Variants in SEPTIN6 observed in about 807,000 individuals in gnomAD.
The protein encoded by SEPTIN6 is septin 6.
A neutral mutation model predicts 33.6 loss-of-function variants in SEPTIN6; 8 were observed. That is an observed-to-expected ratio of 0.24 (90% confidence interval 0.14 to 0.43). SEPTIN6 has a LOEUF of 0.43. Ranked by LOEUF, SEPTIN6 falls within the 20% of genes least tolerant of loss-of-function variation. The probability of loss-of-function intolerance (pLI) is 1.00; values close to 1 mark genes in which losing one functional copy is unlikely to be tolerated. For synonymous variants in SEPTIN6, 131 were observed against 140.0 expected (o/e 0.94, Z 0.45); for missense variants, 250 against 340.8 (o/e 0.73, Z 2.10).
At chrX:119,682,719 C>T (rs1199303100) in intron 1 of SEPTIN6, among the ~76,000 whole-genome samples, 1 of 110,636 alleles carries the variant, frequency 9.0e-6, no homozygotes, top group Non-Finnish European at 1.9e-5. Flanking sequence ...GAGTAGGCCA[C>T]CTCTGTCCCC....
chrX:119,661,191 CAAG>C (rs1335827572), intron 3 of SEPTIN6, among the ~76,000 whole-genome samples: 1 of 106,255 alleles, frequency 9.4e-6, no homozygotes, highest in Non-Finnish European at 1.9e-5. Flanking sequence ...TTTGGGAGGT[CAAG>C]GAGGGTGGAT....
rs1347083285 is a variant in SEPTIN6, at chrX:119,629,402, C to A, written c.1196G>T (p.Arg399Ile). 1.6e-5 allele frequency: 19 copies of A among 1,210,162 alleles called. No homozygotes were observed. The highest frequency in any genetic ancestry group is 2.1e-5 in the Non-Finnish European group (19 of 895,194). ...CTGGAGCAGCTCAGCCGCCGTCTTT[C>A]TTTGCTTGAAAGCATTCACTTCATC... ...LDDEVNAFKQ[R>I]KTAAELLQSQ... Residue 399 changes from arginine (R) to isoleucine (I), a missense_variant, in exon 9 of 11, where the codon AGA (arginine) becomes ATA (isoleucine). Transcript: ENST00000394610.
At chrX:119,636,818 A>C (rs1489111446) in intron 7 of SEPTIN6, among the ~76,000 whole-genome samples, 1 of 110,979 alleles carries the variant, frequency 9.0e-6, no homozygotes, top group Non-Finnish European at 1.9e-5. Flanking sequence ...GGTACTTCCC[A>C]AGCCTGCTCC....
At chrX:119,624,362 A>G (rs998958315) in intron 10 of SEPTIN6, among the ~76,000 whole-genome samples, 2 of 109,879 alleles carry the variant, frequency 1.8e-5, no homozygotes, top group African/African-American at 6.6e-5. Flanking sequence ...TTTAGTAGAG[A>G]CAGGATTTCT....
intron 2 of SEPTIN6, among the ~76,000 whole-genome samples, chrX:119,675,109 G>A (rs1377564625): frequency 9.0e-6 from 1 of 111,132 alleles, no homozygotes; most frequent in Non-Finnish European, 1.9e-5. Flanking sequence ...CAGCTGTGTG[G>A]TGCCTGCACC....
chrX:119,620,809 C>CGG (rs1769746598), intron 10 of SEPTIN6, among the ~76,000 whole-genome samples: 1 of 108,260 alleles, frequency 9.2e-6, no homozygotes, highest in African/African-American at 3.4e-5. Context: ...TTAGTAGCGA[C>CGG]GGGGGTTTCA....
intron 10 of SEPTIN6, among the ~76,000 whole-genome samples, chrX:119,622,902 G>T (rs1188222524): frequency 8.9e-6 from 1 of 112,424 alleles, no homozygotes; most frequent in Non-Finnish European, 1.9e-5. Context: ...ATGGAAATCT[G>T]CTGTTTAATT....
chrX:119,692,679 C>CAGCCG (rs2055196484), intron 1 of SEPTIN6, among the ~76,000 whole-genome samples: 1 of 112,781 alleles, frequency 8.9e-6, no homozygotes, highest in Non-Finnish European at 1.9e-5. Flanking sequence ...TCACAACGGG[C>CAGCCG]AGCCGTGCGC....
intron 1 of SEPTIN6, among the ~76,000 whole-genome samples, chrX:119,682,449 A>G (rs1357748255): frequency 9.1e-6 from 1 of 109,952 alleles, no homozygotes; most frequent in Non-Finnish European, 1.9e-5. Context: ...AGAGCGCCCC[A>G]CTCCCCTCCC....
At chrX:119,652,202 GT>G (rs2054362438) in intron 4 of SEPTIN6, among the ~76,000 whole-genome samples, 1 of 111,937 alleles carries the variant, frequency 8.9e-6, no homozygotes, top group Non-Finnish European at 1.9e-5. Flanking sequence ...GGGATTACAG[GT>G]GTGAGCCACC....
intron 10 of SEPTIN6, among the ~76,000 whole-genome samples, chrX:119,620,337 G>C (rs912170841): frequency 2.4e-5 from 1 of 41,839 alleles, no homozygotes; most frequent in Non-Finnish European, 4.5e-5. Context: ...TTTTTTTTTT[G>C]AGACAGAGTC....
chrX:119,673,245 C>T (rs1042894631), intron 2 of SEPTIN6, among the ~76,000 whole-genome samples: 3 of 111,347 alleles, frequency 2.7e-5, no homozygotes, highest in Admixed American at 9.6e-5. Flanking sequence ...TGCCTGTAAT[C>T]CCAGCTACTT....
intron 4 of SEPTIN6, among the ~76,000 whole-genome samples, chrX:119,650,839 C>T (rs2054338213): frequency 9.0e-6 from 1 of 111,422 alleles, no homozygotes; most frequent in African/African-American, 3.3e-5. Flanking sequence ...AATTATACTG[C>T]CTGAGTCTCA....
intron 7 of SEPTIN6, among the ~76,000 whole-genome samples, chrX:119,633,761 G>A (rs905005648): frequency 1.2e-4 from 13 of 112,029 alleles, no homozygotes; most frequent in Admixed American, 2.8e-4. Flanking sequence ...AGAAAACTGA[G>A]GCCCAGAGAG....
Position 119,662,059 on chromosome X carries a change from C to A in SEPTIN6, c.341+1423G>T, listed in dbSNP as rs143162706. 2.2e-3 allele frequency among the ~76,000 whole-genome samples: 233 copies of A among 107,420 alleles called. 4 individuals are homozygous for A. In the East Asian group the frequency reaches 0.054, roughly 25 times the overall value. The allele number at this position is 107,420 out of a possible 115,157, so 93.3% of individuals were successfully genotyped here. On this transcript the variant is annotated intron_variant, in intron 3 of 10. Transcript: ENST00000394610. Reference sequence around the variant, plus strand: ...GGCCCCCCAACATCTTTCCTGTCCCCCCTCCTACCTGTCAGCTTATTCCTG... The same window carrying A: ...GGCCCCCCAACATCTTTCCTGTCCCACCTCCTACCTGTCAGCTTATTCCTG...
At chrX:119,666,396 C>T (rs2054640058) in intron 2 of SEPTIN6, among the ~76,000 whole-genome samples, 1 of 112,147 alleles carries the variant, frequency 8.9e-6, no homozygotes, top group South Asian at 3.7e-4. Context: ...TCCATCTCCC[C>T]TCCCCACTCT....
chrX:119,622,967 G>A (rs1338203463), intron 10 of SEPTIN6, among the ~76,000 whole-genome samples: 1 of 112,342 alleles, frequency 8.9e-6, no homozygotes, highest in Non-Finnish European at 1.9e-5. Context: ...AGTAAATCAA[G>A]TCACTGTTCT....
Position 119,663,887 on chromosome X carries a change from T to G in SEPTIN6, c.146-210A>C, listed in dbSNP as rs772327089. ...ACGGATCAGTAGTAGTCATCTCAGATAGTAGAATTGAGGTAATTTTCATTT... is the reference window on the plus strand; with the variant it reads ...ACGGATCAGTAGTAGTCATCTCAGAGAGTAGAATTGAGGTAATTTTCATTT... On this transcript the variant is annotated intron_variant, in intron 2 of 10. Coordinates refer to ENST00000394610, the MANE Select transcript of SEPTIN6 (RefSeq NM_145799.4). 2.7e-5 allele frequency among the ~76,000 whole-genome samples: 3 copies of G among 112,023 alleles called. No homozygotes were observed. In the South Asian group the frequency reaches 1.1e-3, roughly 42 times the overall value.
At chrX:119,630,520 A>C (rs1181207839) in intron 8 of SEPTIN6, among the ~76,000 whole-genome samples, 3 of 112,434 alleles carry the variant, frequency 2.7e-5, no homozygotes, top group Admixed American at 9.4e-5. Context: ...GGGAGGCTTA[A>C]TTAGTCCTGA....
Sources: allele counts gnomAD v4.1 joint callset (sites outside exome capture counted in the v4.1 genomes callset), GRCh38; gene constraint gnomAD v4.1.1; transcripts MANE v1.5; gene names NCBI Gene and HGNC (gene_info 2026-07-23, HGNC 2026-07-21).